Variants in LINS1 observed in about 807,000 individuals in gnomAD.
LINS1 encodes the protein protein Lines homolog 1.
In LINS1, 27 loss-of-function variants were observed where a neutral mutation model predicts 41.6. The ratio of observed to expected loss-of-function variants is 0.65; its 90% CI spans 0.48 to 0.89. The LOEUF (loss-of-function observed/expected upper bound fraction) is 0.89, where lower values mean the gene tolerates loss of function less well. Among genes scored for constraint, LINS1 ranks in the 40% least tolerant of loss-of-function variants. The pLI is 0.00. For synonymous variants in LINS1, 336 were observed against 312.9 expected (o/e 1.07, Z -0.78); for missense variants, 955 against 884.1 (o/e 1.08, Z -1.02).
rs143212181 is a variant in LINS1, at chr15:100,573,740, T to A, written c.1133A>T (p.Asp378Val). The change falls in exon 5 of 7, where the codon GAT becomes GTT. Residue 378 changes from aspartate (D) to valine (V), a missense_variant. Coordinates refer to ENST00000314742, the MANE Select transcript of LINS1 (RefSeq NM_001040616.3). ...QPECELITSP[D>V]HVILRAASLV... is the part of the protein sequence containing the mutation. ...GCTTGCTGCTCTAAGGATCACATGATCTGGACTAGTGATAAGTTCACATTC... is the reference window on the plus strand; with the variant it reads ...GCTTGCTGCTCTAAGGATCACATGAACTGGACTAGTGATAAGTTCACATTC... The A allele has an allele frequency of 1.9e-6, 3 of 1,613,860 alleles. No individual in the cohort carries two copies. Among genetic ancestry groups the A allele is most frequent in the Non-Finnish European group, 2.5e-6 (3 of 1,179,818 alleles).
chr15:100,575,575 G>C (rs1177920948), intron 3 of LINS1, among the ~76,000 whole-genome samples: 1 of 152,030 alleles, frequency 6.6e-6, no homozygotes, highest in Non-Finnish European at 1.5e-5. Context: ...AATAATAATG[G>C]GAGACTTTAA....
chr15:100,580,971 A>C lies in LINS1; in HGVS notation c.-103-26T>G, dbSNP rs1033240587. ...CTAAAATAGGAAAAATAATTTAAAA[A>C]TTCTAACTGCTATATGCTTATTACA... On this transcript the variant is annotated intron_variant, in intron 1 of 6. Coordinates refer to ENST00000314742, the MANE Select transcript of LINS1 (RefSeq NM_001040616.3). The C allele has an allele frequency of 2.1e-5, 17 of 825,912 alleles. No homozygotes were observed. In the African/African-American group the frequency reaches 2.6e-4, roughly 13 times the overall value. The allele number at this position is 825,912 out of a possible 1,614,324, so 51.2% of individuals were successfully genotyped here. A position where few individuals can be genotyped will look rare whatever the true frequency, so the allele number is the denominator to read the frequency against.
rs921847175 is a variant in LINS1 at position 100,589,981 on chromosome 15, C to A, written c.-103-9036G>T. Among the ~76,000 whole-genome samples, 14 of 152,284 alleles carry A rather than the reference C, an allele frequency of 9.2e-5. 1 individual carries two copies. In the East Asian group the frequency reaches 1.7e-3, roughly 19 times the overall value. ...GAACATTGGAGAAAGATTGTCCTTG[C>A]CATCCACATTGCAGCAAAACTTTGG... On this transcript the variant is annotated intron_variant, in intron 1 of 6. Transcript: ENST00000314742.
intron 5 of LINS1, chr15:100,573,338 A>G (rs1340679239): frequency 3.5e-5 from 41 of 1,172,784 alleles, no homozygotes; most frequent in Non-Finnish European, 4.2e-5. Context: ...GGATTAATAT[A>G]AATAAAATGC....
Position 100,569,394 on chromosome 15 carries a change from C to CAAAA in LINS1, c.2117_2118insTTTT (p.Gly707PhefsTer30), listed in dbSNP as rs1471583266. ...ATTTTACTATTCTGTAAAATATTCC[C>CAAAA]ACTTCAGAGACGACATCATTTGGGG... On this transcript the variant is annotated frameshift_variant, in exon 7 of 7. Transcript: ENST00000314742. LOFTEE classifies it low-confidence loss of function (END_TRUNC). 1.2e-6 allele frequency: 2 copies of CAAAA among 1,613,886 alleles called. No individual in the cohort carries two copies. Among genetic ancestry groups the CAAAA allele is most frequent in the Non-Finnish European group, 1.7e-6 (2 of 1,179,928 alleles).
chr15:100,587,371 T>C (rs2038857089), intron 1 of LINS1, among the ~76,000 whole-genome samples: 1 of 152,068 alleles, frequency 6.6e-6, no homozygotes, highest in South Asian at 2.1e-4. Context: ...GGATGTATAA[T>C]GATATTGGTG....
chr15:100,580,997 A>G (rs756135854), intron 1 of LINS1, 52 bp from the exon 2 acceptor site: 1 of 648,436 alleles, frequency 1.5e-6, no homozygotes, highest in Admixed American at 3.0e-5. Context: ...GCTTATTACA[A>G]GAGAAAGCAA....
At chr15:100,586,171 T>C (rs2038792386) in intron 1 of LINS1, 1 of 152,156 alleles carries the variant, frequency 6.6e-6, no homozygotes, top group African/African-American at 2.4e-5. Context: ...CTGCCTCCTT[T>C]AGAAAGGCTA....
chr15:100,569,867 C>G lies in LINS1; in HGVS notation c.1645G>C (p.Glu549Gln). The G allele has an allele frequency of 6.2e-7, 1 of 1,614,010 alleles. No individual in the cohort carries two copies. The highest frequency in any genetic ancestry group is 8.5e-7 in the Non-Finnish European group (1 of 1,179,908). Residue 549 changes from glutamate (E) to glutamine (Q), a missense_variant, in exon 7 of 7, where the codon GAA becomes CAA. Coordinates refer to ENST00000314742, the MANE Select transcript of LINS1 (RefSeq NM_001040616.3). The stretch of plus-strand genomic sequence containing the variant: ...CAAATACTTATGTCATATTTAGATT[C>G]AGTTGCATCAAAGTTATTGCAAATG... ...FTICNNFDAT[E>Q]SKYDISICGC...
intron 1 of LINS1, among the ~76,000 whole-genome samples, chr15:100,583,156 T>A (rs1039242223): frequency 2.6e-5 from 4 of 151,876 alleles, no homozygotes; most frequent in African/African-American, 9.7e-5. Flanking sequence ...CTAGTCTTGG[T>A]CTTACACTGG....
chr15:100,572,032 G>T lies in LINS1; in HGVS notation c.1256C>A (p.Thr419Asn), dbSNP rs772948377. Reference protein sequence around the residue: ...DLQRFMSELLTFLKPHLQPSL... With the variant: ...DLQRFMSELLNFLKPHLQPSL... ...GGGCTGAAGATGAGGCTTTAAGAAG[G>T]TCAGTAACTCAGACATGAACCTCTG... The change falls in exon 6 of 7, where the codon ACC (threonine) becomes AAC (asparagine). Residue 419 changes from threonine to asparagine, a missense_variant. Coordinates refer to ENST00000314742, the MANE Select transcript of LINS1 (RefSeq NM_001040616.3). The T allele has an allele frequency of 6.2e-7, 1 of 1,614,018 alleles. No homozygotes were observed. The highest frequency in any genetic ancestry group is 1.3e-5 in the African/African-American group (1 of 74,928).
Position 100,575,377 on chromosome 15 carries a change from G to C in LINS1, c.490-249C>G, listed in dbSNP as rs71405386. 0.12 allele frequency among the ~76,000 whole-genome samples: 17,598 copies of C among 152,104 alleles called. 1,207 individuals are homozygous for C. Among genetic ancestry groups the C allele is most frequent in the East Asian group, 0.27 (1,386 of 5,168 alleles). On this transcript the variant is annotated intron_variant, in intron 3 of 6. Coordinates refer to ENST00000314742, the MANE Select transcript of LINS1 (RefSeq NM_001040616.3). The stretch of plus-strand genomic sequence containing the variant: ...AAAAAAGGCAGGGGTTGCAATCCTA[G>C]TCTCTGATAAAACAGACTTTAAACC...
At chr15:100,578,402 C>T (rs2038320133) in intron 3 of LINS1, among the ~76,000 whole-genome samples, 1 of 151,984 alleles carries the variant, frequency 6.6e-6, no homozygotes, top group Non-Finnish European at 1.5e-5. Context: ...GACATTTATG[C>T]AGCCAACAGA....
intron 1 of LINS1, among the ~76,000 whole-genome samples, chr15:100,591,098 AC>A (rs1463514134): frequency 6.6e-6 from 1 of 151,976 alleles, no homozygotes; most frequent in African/African-American, 2.4e-5. Context: ...AATCACTTGA[AC>A]CCGGGAGGCA....
rs2037963970 is a variant in LINS1 at position 100,573,506 on chromosome 15, T to TG, written c.1222+144_1222+145insC. On this transcript the variant is annotated intron_variant, in intron 5 of 6. Transcript: ENST00000314742. ...AGGTAAATCCAGTTCTTTTTTTTTT[T>TG]TTTGAAAATGTAATAAGTTACAAAT... 3.9e-6 allele frequency: 3 copies of TG among 777,354 alleles called. No homozygotes were observed. The South Asian group carries it at 7.0e-5, about 18-fold the overall frequency. The allele number at this position is 777,354 out of a possible 1,614,324, so 48.2% of individuals were successfully genotyped here.
rs756412535 is a variant in LINS1 at position 100,573,924 on chromosome 15, G to A, written c.949C>T (p.Arg317Cys). 5.4e-5 allele frequency: 87 copies of A among 1,614,092 alleles called. No homozygotes were observed. Among genetic ancestry groups the A allele is most frequent in the Non-Finnish European group, 6.4e-5 (76 of 1,180,054 alleles). Reference sequence around the variant, plus strand: ...GGCATTAAGGCAGGCACAGATCCACGACAGAGGTCTTCACCCACTTTACAG... The same window carrying A: ...GGCATTAAGGCAGGCACAGATCCACAACAGAGGTCTTCACCCACTTTACAG... ...LLCKVGEDLC[R>C]GSVPALMPPD... The change falls in exon 5 of 7, where the codon CGT (arginine) becomes TGT (cysteine). Residue 317 changes from arginine (R) to cysteine (C), a missense_variant. Arg to Cys is a radical substitution (Grantham distance 180). Transcript: ENST00000314742.
At chr15:100,587,182 AC>A (rs550760945) in intron 1 of LINS1, among the ~76,000 whole-genome samples, 10 of 124,438 alleles carry the variant, frequency 8.0e-5, no homozygotes, top group East Asian at 6.6e-4. Context: ...AAAAAAAAAA[AC>A]ATTAGCAGTT....
At chr15:100,578,302 T>C (rs1370736679) in intron 3 of LINS1, among the ~76,000 whole-genome samples, 1 of 152,090 alleles carries the variant, frequency 6.6e-6, no homozygotes, top group African/African-American at 2.4e-5. Flanking sequence ...ATCCAGAATC[T>C]ACAAATAACT....
chr15:100,576,905 A>G (rs1429900877), intron 3 of LINS1, among the ~76,000 whole-genome samples: 1 of 152,230 alleles, frequency 6.6e-6, no homozygotes, highest in Non-Finnish European at 1.5e-5. Context: ...CATCATATAA[A>G]CAGAACCAAA....
Sources: allele counts gnomAD v4.1 joint callset (sites outside exome capture counted in the v4.1 genomes callset), GRCh38; gene constraint gnomAD v4.1.1; transcripts MANE v1.5; gene names NCBI Gene and HGNC (gene_info 2026-07-23, HGNC 2026-07-21).